The following MBD5 variants were observed in gnomAD, a reference collection of about 807,000 sequenced individuals.
MBD5 encodes the protein methyl-CpG-binding domain protein 5.
In MBD5, 13 loss-of-function variants were observed where a neutral mutation model predicts 117.3. That is an observed-to-expected ratio of 0.11 (90% CI 0.07 to 0.18). MBD5 has a LOEUF of 0.18. Among genes scored for constraint, MBD5 ranks in the 10% least tolerant of loss-of-function variants. The pLI, the probability that MBD5 is intolerant of heterozygous loss-of-function variation, is 1.00. For synonymous variants in MBD5, 727 were observed against 766.4 expected, an observed-to-expected ratio of 0.95 and a Z score of 0.85; for missense variants, 1,879 against 2,093.8, an observed-to-expected ratio of 0.90 and a Z score of 2.00.
At chr2:148,267,728 C>T (rs771097658) in intron 3 of MBD5, among the ~76,000 whole-genome samples, 3 of 151,830 alleles carry the variant, frequency 2.0e-5, no homozygotes, top group Non-Finnish European at 2.9e-5. Context: ...TTTGCTTTTA[C>T]GTGTAGATCT....
chr2:148,505,315 G>A (rs925074908), intron 12 of MBD5, among the ~76,000 whole-genome samples: 1 of 152,102 alleles, frequency 6.6e-6, no homozygotes, highest in Admixed American at 6.5e-5. Context: ...TCTGAAACTG[G>A]GGAGAAGTGG....
intron 2 of MBD5, among the ~76,000 whole-genome samples, chr2:148,228,640 G>A (rs1266806391): frequency 1.3e-5 from 2 of 152,162 alleles, no homozygotes; most frequent in Non-Finnish European, 2.9e-5. Context: ...AGTTAGGGAG[G>A]ATTCCCTCTT....
At chr2:148,355,884 G>A (rs1261598773) in intron 4 of MBD5, among the ~76,000 whole-genome samples, 1 of 152,054 alleles carries the variant, frequency 6.6e-6, no homozygotes, top group Non-Finnish European at 1.5e-5. Flanking sequence ...CTTTGCAATA[G>A]CATTGAATCT....
In MBD5 at chr2:148,490,552, C is replaced by T. The variant is rs768363712; in HGVS notation, c.4920C>T (p.Asp1640=). 3.5e-5 allele frequency: 56 copies of T among 1,614,042 alleles called. No individual in the cohort carries two copies. The highest frequency in any genetic ancestry group is 1.6e-4 in the Middle Eastern group (1 of 6,084). Residue 1640 remains aspartate (D), a synonymous_variant, in exon 11 of 14, where the codon GAC becomes GAT. Transcript: ENST00000642680. The part of the protein sequence containing the change: ...TSWPGKLVRE[D]DVHNSCQQSP... Reference sequence around the variant, plus strand: ...GGCCTGGAAAATTAGTAAGAGAAGACGACGTTCACAATTCATGTCAACAAA... The same window carrying T: ...GGCCTGGAAAATTAGTAAGAGAAGATGACGTTCACAATTCATGTCAACAAA...
intron 1 of MBD5, 96 bp from the exon 2 acceptor site, chr2:148,178,597 ATATAAAG>A (rs1194007699): frequency 2.6e-5 from 10 of 386,128 alleles, no homozygotes; most frequent in Non-Finnish European, 4.6e-5. Context: ...CAGGCTTATT[ATATAAAG>A]TCATGAAGAA....
chr2:148,504,231 A>G (rs1237250237), intron 12 of MBD5, among the ~76,000 whole-genome samples: 3 of 152,368 alleles, frequency 2.0e-5, no homozygotes, highest in Admixed American at 1.3e-4. Flanking sequence ...AAAGTAGAAA[A>G]TACAAAACTA....
chr2:148,036,272 T>C (rs561952782), intron 1 of MBD5, among the ~76,000 whole-genome samples: 2 of 152,142 alleles, frequency 1.3e-5, no homozygotes, highest in Non-Finnish European at 2.9e-5. Flanking sequence ...CCCAACATAT[T>C]CCATGTGCCA....
chr2:148,105,168 T>C (rs933559036), intron 1 of MBD5, among the ~76,000 whole-genome samples: 1 of 152,094 alleles, frequency 6.6e-6, no homozygotes, highest in African/African-American at 2.4e-5. Flanking sequence ...TCTTATTATC[T>C]GTTTAATGTC....
intron 1 of MBD5, among the ~76,000 whole-genome samples, chr2:148,127,391 C>G (rs892543499): frequency 1.3e-5 from 2 of 152,124 alleles, no homozygotes; most frequent in African/African-American, 4.8e-5. Context: ...TCTCTCTCCC[C>G]GCAGCTCATG....
At chr2:148,038,802 G>T (rs1694272648) in intron 1 of MBD5, among the ~76,000 whole-genome samples, 1 of 151,794 alleles carries the variant, frequency 6.6e-6, no homozygotes, top group African/African-American at 2.4e-5. Flanking sequence ...GGTTTTTGAT[G>T]TTACTGTTTA....
chr2:148,268,473 C>A (rs1700911092), intron 3 of MBD5, among the ~76,000 whole-genome samples: 1 of 151,816 alleles, frequency 6.6e-6, no homozygotes, highest in Non-Finnish European at 1.5e-5. Flanking sequence ...TTTTTAACAG[C>A]CCATCTTTTC....
At chr2:148,455,154 C>G (rs572211602) in intron 4 of MBD5, among the ~76,000 whole-genome samples, 1 of 151,864 alleles carries the variant, frequency 6.6e-6, no homozygotes, top group Non-Finnish European at 1.5e-5. Context: ...ATGAGTGTTG[C>G]GAAAAAAATT....
At chr2:148,396,316 A>G (rs1704713052) in intron 4 of MBD5, among the ~76,000 whole-genome samples, 1 of 152,168 alleles carries the variant, frequency 6.6e-6, no homozygotes, top group African/African-American at 2.4e-5. Context: ...TTAGAGAGCA[A>G]TGGCAGCATG....
At chr2:148,217,022 C>G (rs1319916691) in intron 2 of MBD5, among the ~76,000 whole-genome samples, 1 of 152,188 alleles carries the variant, frequency 6.6e-6, no homozygotes, top group African/African-American at 2.4e-5. Context: ...AAACTGCTGT[C>G]ATACCATAGA....
At chr2:148,024,830 G>A (rs1239494904) in intron 1 of MBD5, 1 of 152,164 alleles carries the variant, frequency 6.6e-6, no homozygotes, top group Non-Finnish European at 1.5e-5. Flanking sequence ...TGTAAAAATT[G>A]TTCAGGATGC....
At chr2:148,022,102 G>A (rs1481212672) in intron 1 of MBD5, among the ~76,000 whole-genome samples, 1 of 152,178 alleles carries the variant, frequency 6.6e-6, no homozygotes, top group Non-Finnish European at 1.5e-5. Flanking sequence ...TTGTTTCTGA[G>A]TGGGAAAATG....
chr2:148,207,732 G>A (rs547076172), intron 2 of MBD5, among the ~76,000 whole-genome samples: 1 of 150,828 alleles, frequency 6.6e-6, no homozygotes, highest in East Asian at 1.9e-4. Flanking sequence ...CCTGGGTGTA[G>A]ATGACACGAT....
rs183496018 is a variant in MBD5 at position 148,370,083 on chromosome 2, A to G, written c.-557+27747A>G. Among the ~76,000 whole-genome samples the G allele has an allele frequency of 1.3e-4, 20 of 152,252 alleles. No homozygotes were observed. In the East Asian group the frequency reaches 3.1e-3, roughly 23 times the overall value. ...TACTAAATTATTATCATCACTTTATAAAGGTGATAGATTACATATTAAATT... is the reference window on the plus strand; with the variant it reads ...TACTAAATTATTATCATCACTTTATGAAGGTGATAGATTACATATTAAATT... On this transcript the variant is annotated intron_variant, in intron 4 of 13. Transcript: ENST00000642680.
intron 7 of MBD5, among the ~76,000 whole-genome samples, chr2:148,466,995 A>G (rs745546125): frequency 4.6e-5 from 7 of 152,186 alleles, no homozygotes; most frequent in Non-Finnish European, 1.0e-4. Flanking sequence ...AAGCATACCT[A>G]TTATTGCAAA....
Sources: allele counts gnomAD v4.1 joint callset (sites outside exome capture counted in the v4.1 genomes callset), GRCh38; gene constraint gnomAD v4.1.1; transcripts MANE v1.5; gene names NCBI Gene and HGNC (gene_info 2026-07-23, HGNC 2026-07-21).